PARD3B: variants seen among roughly 807,000 people sequenced by gnomAD.
The protein encoded by PARD3B is partitioning defective 3 homolog B.
In PARD3B, 103 loss-of-function variants were observed where a neutral mutation model predicts 130.2. The ratio of observed to expected loss-of-function variants is 0.79; its 90% CI spans 0.67 to 0.93. The LOEUF (loss-of-function observed/expected upper bound fraction) is 0.93, where lower values mean the gene tolerates loss of function less well. Ranked by LOEUF, PARD3B falls within the 40% of genes least tolerant of loss-of-function variation. PARD3B has a pLI of 0.00. For synonymous variants in PARD3B, 583 were observed against 553.2 expected (o/e 1.05, Z -0.76); for missense variants, 1,609 against 1,499.2 (o/e 1.07, Z -1.21).
chr2:205,596,230 C>T (rs2054566343), intron 22 of PARD3B, among the ~76,000 whole-genome samples: 1 of 152,192 alleles, frequency 6.6e-6, no homozygotes, highest in South Asian at 2.1e-4. Flanking sequence ...GGGGGAAATT[C>T]ACCACAAGTC....
At chr2:204,600,454 C>T (rs2033463690) in intron 1 of PARD3B, among the ~76,000 whole-genome samples, 1 of 151,740 alleles carries the variant, frequency 6.6e-6, no homozygotes, top group South Asian at 2.1e-4. Context: ...GCACCTTTGT[C>T]AAACATCAAT....
chr2:205,462,508 T>G (rs1400638935), intron 20 of PARD3B, among the ~76,000 whole-genome samples: 1 of 152,200 alleles, frequency 6.6e-6, no homozygotes, highest in East Asian at 1.9e-4. Context: ...GTCTGAGGAA[T>G]TCAGAGGTGC....
At chr2:205,400,208 A>G (rs2046199440) in intron 18 of PARD3B, among the ~76,000 whole-genome samples, 1 of 152,164 alleles carries the variant, frequency 6.6e-6, no homozygotes. Context: ...AGGTCATCAT[A>G]ATTAGTCTTG....
At chr2:205,363,377 A>G (rs1035538986) in intron 18 of PARD3B, among the ~76,000 whole-genome samples, 1 of 152,200 alleles carries the variant, frequency 6.6e-6, no homozygotes, top group African/African-American at 2.4e-5. Context: ...AGGTTTTCCA[A>G]GACTGTTCCC....
chr2:205,428,521 A>G (rs2047221826), intron 19 of PARD3B, among the ~76,000 whole-genome samples: 2 of 152,216 alleles, frequency 1.3e-5, no homozygotes, highest in South Asian at 4.1e-4. Flanking sequence ...CTGTTATCAG[A>G]CTTCCCAGCC....
chr2:204,908,120 A>G (rs1431801407), intron 2 of PARD3B, among the ~76,000 whole-genome samples: 1 of 152,200 alleles, frequency 6.6e-6, no homozygotes, highest in African/African-American at 2.4e-5. Context: ...CCTTGGTGCT[A>G]TCCTATACCA....
Position 205,558,615 on chromosome 2 carries a change from A to G in PARD3B, c.3260+5212A>G, listed in dbSNP as rs911942648. ...CCTCTTGCCCCAGGCTTCTGCCCACACCACTGATACTTCCACCAGACTCTG... is the reference window on the plus strand; with the variant it reads ...CCTCTTGCCCCAGGCTTCTGCCCACGCCACTGATACTTCCACCAGACTCTG... On this transcript the variant is annotated intron_variant, in intron 22 of 22. Transcript: ENST00000406610. This position sits in a 1 kb window ranked among gnomAD's most constrained non-coding sequence, Gnocchi z 4.8. 1.3e-5 allele frequency among the ~76,000 whole-genome samples: 2 copies of G among 152,002 alleles called. No homozygotes were observed. The highest frequency in any genetic ancestry group is 4.8e-5 in the African/African-American group (2 of 41,388).
chr2:204,930,877 G>A lies in PARD3B; in HGVS notation c.223-34275G>A, dbSNP rs531451126. On this transcript the variant is annotated intron_variant, in intron 2 of 22. Transcript: ENST00000406610. The stretch of plus-strand genomic sequence containing the variant: ...TCTTACGTCTGGTTTCCCTATTACT[G>A]CAGAACTTATCTAAAAACCACGATG... Among the ~76,000 whole-genome samples, 18 of 152,070 alleles carry A rather than the reference G, an allele frequency of 1.2e-4. No homozygotes were observed. The South Asian group carries it at 3.7e-3, about 32-fold the overall frequency.
At chr2:205,024,030 C>T (rs945060214) in intron 3 of PARD3B, among the ~76,000 whole-genome samples, 7 of 152,044 alleles carry the variant, frequency 4.6e-5, no homozygotes, top group Non-Finnish European at 1.0e-4. Flanking sequence ...TGGTAATAGT[C>T]ATCCCTAAGC....
At chr2:205,252,849 C>CA (rs2039913761) in intron 16 of PARD3B, among the ~76,000 whole-genome samples, 2 of 110,264 alleles carry the variant, frequency 1.8e-5, no homozygotes, top group African/African-American at 3.2e-5. Context: ...CCCCCCCCCC[C>CA]CACCAAAAAA....
chr2:204,555,413 C>A (rs1045184439), intron 1 of PARD3B, among the ~76,000 whole-genome samples: 2 of 152,034 alleles, frequency 1.3e-5, no homozygotes, highest in African/African-American at 4.8e-5. Context: ...CAAAAATTAG[C>A]CAGACGTGGT....
At chr2:204,868,648 C>CT (rs1483057827) in intron 2 of PARD3B, among the ~76,000 whole-genome samples, 1 of 152,260 alleles carries the variant, frequency 6.6e-6, no homozygotes, top group Non-Finnish European at 1.5e-5. Context: ...GGGAGGAACT[C>CT]TACTTTTAGT....
chr2:205,567,726 T>C (rs1031040731), intron 22 of PARD3B, among the ~76,000 whole-genome samples: 1 of 151,856 alleles, frequency 6.6e-6, no homozygotes, highest in African/African-American at 2.4e-5. Flanking sequence ...TTTGGTGTCC[T>C]AGGCAGGGCT....
At chr2:205,275,801 C>T (rs1017180852) in intron 16 of PARD3B, among the ~76,000 whole-genome samples, 3 of 133,778 alleles carry the variant, frequency 2.2e-5, no homozygotes, top group East Asian at 4.5e-4. Flanking sequence ...TGCACCATTG[C>T]ACCCCAGCCT....
intron 22 of PARD3B, among the ~76,000 whole-genome samples, chr2:205,603,626 T>A (rs543420223): frequency 6.6e-6 from 1 of 152,350 alleles, no homozygotes; most frequent in South Asian, 2.1e-4. Context: ...GTCTTTTTTA[T>A]CTTTCTTGGC....
chr2:204,821,377 A>C (rs1210739838), intron 2 of PARD3B, among the ~76,000 whole-genome samples: 2 of 152,186 alleles, frequency 1.3e-5, no homozygotes, highest in Non-Finnish European at 2.9e-5. Flanking sequence ...GCCATAAAAA[A>C]TGATGAGTTC....
At chr2:205,362,145 CAATG>C (rs1417620285) in intron 18 of PARD3B, among the ~76,000 whole-genome samples, 2 of 152,120 alleles carry the variant, frequency 1.3e-5, no homozygotes, top group Admixed American at 1.3e-4. Flanking sequence ...AAGCTGGTGA[CAATG>C]AAAAGTAGTC....
intron 11 of PARD3B, among the ~76,000 whole-genome samples, chr2:205,162,248 T>C (rs1208249312): frequency 2.0e-5 from 3 of 152,210 alleles, no homozygotes; most frequent in Non-Finnish European, 4.4e-5. Context: ...TAATCTCAAC[T>C]TGATATTTAA....
chr2:205,584,511 C>T lies in PARD3B; in HGVS notation c.3261-30945C>T, dbSNP rs2106580508. Among the ~76,000 whole-genome samples the T allele has an allele frequency of 6.6e-6, 1 of 152,086 alleles. No individual in the cohort carries two copies. Among genetic ancestry groups the T allele is most frequent in the East Asian group, 1.9e-4 (1 of 5,154 alleles). ...TGGCCAACATAGCGAAACCCCATCC[C>T]TACTAAAAATACAAAAATTAGCCGG... On this transcript the variant is annotated intron_variant, in intron 22 of 22. Transcript: ENST00000406610. The surrounding 1 kb of genome is among the most constrained non-coding windows in gnomAD (Gnocchi z 5.5).
Sources: allele counts gnomAD v4.1 joint callset (sites outside exome capture counted in the v4.1 genomes callset), GRCh38; gene constraint gnomAD v4.1.1; non-coding constraint Gnocchi (gnomAD v3.1); transcripts MANE v1.5; gene names NCBI Gene and HGNC (gene_info 2026-07-23, HGNC 2026-07-21).